The following ATP6V0D2 variants were observed in gnomAD, a reference collection of about 807,000 sequenced individuals.
ATP6V0D2 encodes ATPase H+ transporting V0 subunit d2.
Under a neutral mutation model 40.0 loss-of-function variants are expected in ATP6V0D2, and 40 were observed. The observed-to-expected ratio is 1.00, with a 90% CI of 0.78 to 1.30. The LOEUF (loss-of-function observed/expected upper bound fraction) is 1.30, where lower values mean the gene tolerates loss of function less well. Among genes scored for constraint, ATP6V0D2 ranks in the 50% most tolerant of loss-of-function variants. The pLI, the probability that ATP6V0D2 is intolerant of heterozygous loss-of-function variation, is 0.00. For missense variants in ATP6V0D2, 470 were observed against 423.1 expected, an observed-to-expected ratio of 1.11 and a Z score of -0.97; for synonymous variants, 179 against 156.3, an observed-to-expected ratio of 1.15 and a Z score of -1.08.
intron 7 of ATP6V0D2, among the ~76,000 whole-genome samples, chr8:86,151,864 A>C (rs1819159020): frequency 6.6e-6 from 1 of 151,840 alleles, no homozygotes; most frequent in South Asian, 2.1e-4. Context: ...ACATTATTAC[A>C]AATGCTACAA....
In ATP6V0D2 at chr8:86,138,186, C is replaced by T. The variant is rs116929687; in HGVS notation, c.303-1271C>T. 3.9e-5 allele frequency among the ~76,000 whole-genome samples: 6 copies of T among 152,244 alleles called. No homozygotes were observed. The East Asian group carries it at 1.2e-3, about 30-fold the overall frequency. Reference sequence around the variant, plus strand: ...CTCTGGGGCTTTTCAAATGTTCTCCCTTCTGCCTTGAAATGTGCTTTTCCC... The same window carrying T: ...CTCTGGGGCTTTTCAAATGTTCTCCTTTCTGCCTTGAAATGTGCTTTTCCC... On this transcript the variant is annotated intron_variant, in intron 2 of 7. Coordinates refer to ENST00000285393, the MANE Select transcript of ATP6V0D2 (RefSeq NM_152565.1).
chr8:86,151,755 C>CTTTTTTTT (rs564476016), intron 7 of ATP6V0D2, among the ~76,000 whole-genome samples: 1 of 85,516 alleles, frequency 1.2e-5, no homozygotes, highest in Non-Finnish European at 3.0e-5. Flanking sequence ...GCTTTTCTTT[C>CTTTTTTTT]TTTTTTTTTT....
chr8:86,101,113 C>T (rs1465995658), intron 1 of ATP6V0D2, among the ~76,000 whole-genome samples: 1 of 148,530 alleles, frequency 6.7e-6, no homozygotes, highest in Non-Finnish European at 1.5e-5. Context: ...TGCCACTGCA[C>T]TCCAGCCTGG....
In ATP6V0D2 at chr8:86,143,030, TTTCC is replaced by T; in HGVS notation, c.639+79_639+82del. 3.0e-6 allele frequency: 3 copies of T among 1,013,414 alleles called. No individual in the cohort carries two copies. In the Admixed American group the frequency reaches 7.2e-5, roughly 24 times the overall value. 62.8% of individuals were successfully genotyped at this position (1,013,414 alleles called of 1,614,324 possible). ...TTTTATTGTTTTAACCTTACTTATATTTCCTTATCTTTGAATTTTTTTTTAATCT... is the reference window on the plus strand; with the variant it reads ...TTTTATTGTTTTAACCTTACTTATATTTATCTTTGAATTTTTTTTTAATCT... On this transcript the variant is annotated intron_variant, in intron 5 of 7. Transcript: ENST00000285393.
intron 1 of ATP6V0D2, among the ~76,000 whole-genome samples, chr8:86,108,348 C>A (rs1161228054): frequency 1.3e-5 from 2 of 152,040 alleles, no homozygotes; most frequent in African/African-American, 4.8e-5. Context: ...TGCCATGTTG[C>A]CCAGTCTAGT....
At chr8:86,115,454 C>A (rs1251999302) in intron 2 of ATP6V0D2, among the ~76,000 whole-genome samples, 1 of 143,128 alleles carries the variant, frequency 7.0e-6, no homozygotes, top group Admixed American at 7.4e-5. Context: ...CTGCAACCTT[C>A]GCCTCCGTGG....
At chr8:86,129,982 GAAAAAAAA>G (rs869058078) in intron 2 of ATP6V0D2, among the ~76,000 whole-genome samples, 4 of 92,920 alleles carry the variant, frequency 4.3e-5, no homozygotes, top group Non-Finnish European at 8.9e-5. Context: ...GTCTCGAAAA[GAAAAAAAA>G]AAAAAAAAGA....
At chr8:86,119,891 T>A (rs1489456171) in intron 2 of ATP6V0D2, among the ~76,000 whole-genome samples, 2 of 152,198 alleles carry the variant, frequency 1.3e-5, no homozygotes, top group Non-Finnish European at 2.9e-5. Context: ...CTAATGGGCA[T>A]TGAATATTTG....
intron 1 of ATP6V0D2, among the ~76,000 whole-genome samples, chr8:86,111,711 G>A (rs907607325): frequency 1.3e-5 from 2 of 152,088 alleles, no homozygotes; most frequent in Non-Finnish European, 2.9e-5. Context: ...CAGCATACCT[G>A]TACTAAGTCA....
intron 2 of ATP6V0D2, among the ~76,000 whole-genome samples, chr8:86,121,941 A>G (rs1482787774): frequency 1.3e-5 from 2 of 152,240 alleles, no homozygotes; most frequent in South Asian, 2.1e-4. Context: ...TACATGTGAA[A>G]CTTATTTTGA....
At chr8:86,111,630 T>C (rs576497589) in intron 1 of ATP6V0D2, among the ~76,000 whole-genome samples, 2 of 152,166 alleles carry the variant, frequency 1.3e-5, no homozygotes, top group Admixed American at 6.5e-5. Context: ...TCATAGGGGG[T>C]TCTATTTTTA....
chr8:86,123,905 A>G (rs918619276), intron 2 of ATP6V0D2, among the ~76,000 whole-genome samples: 11 of 152,182 alleles, frequency 7.2e-5, no homozygotes, highest in African/African-American at 2.4e-4. Context: ...TTTTCCCCAC[A>G]TCTTTAAATG....
chr8:86,138,145 A>G (rs890091294), intron 2 of ATP6V0D2, among the ~76,000 whole-genome samples: 6 of 152,114 alleles, frequency 3.9e-5, no homozygotes, highest in African/African-American at 1.4e-4. Context: ...CACCCTGAGT[A>G]TCCTTGTGTT....
chr8:86,132,787 T>C (rs1818844573), intron 2 of ATP6V0D2, among the ~76,000 whole-genome samples: 1 of 152,228 alleles, frequency 6.6e-6, no homozygotes, highest in African/African-American at 2.4e-5. Flanking sequence ...GCAATAAACA[T>C]GTGAGTGCAG....
chr8:86,116,065 A>G (rs1314734653), intron 2 of ATP6V0D2, among the ~76,000 whole-genome samples: 1 of 152,202 alleles, frequency 6.6e-6, no homozygotes, highest in Non-Finnish European at 1.5e-5. Context: ...CTTAATGAAT[A>G]ATATCTTTAA....
chr8:86,115,330 ATTCT>A (rs1347210009), intron 2 of ATP6V0D2, among the ~76,000 whole-genome samples: 2 of 116,314 alleles, frequency 1.7e-5, no homozygotes, highest in Non-Finnish European at 3.5e-5. Flanking sequence ...CTATCCTTCT[ATTCT>A]TTCTTTGTCC....
chr8:86,125,990 T>C (rs1263148991), intron 2 of ATP6V0D2, among the ~76,000 whole-genome samples: 1 of 150,034 alleles, frequency 6.7e-6, no homozygotes, highest in Non-Finnish European at 1.5e-5. Flanking sequence ...CAGGCTAGAG[T>C]GCAGGTGTGT....
At chr8:86,136,300 T>A (rs1161861841) in intron 2 of ATP6V0D2, among the ~76,000 whole-genome samples, 1 of 152,220 alleles carries the variant, frequency 6.6e-6, no homozygotes, top group African/African-American at 2.4e-5. Context: ...GGGTGTTATA[T>A]GCAGGCTGCA....
chr8:86,112,021 T>G (rs112896159), intron 1 of ATP6V0D2, among the ~76,000 whole-genome samples: 272 of 152,330 alleles, frequency 1.8e-3, no homozygotes, highest in African/African-American at 6.3e-3. Context: ...AATAGATGCT[T>G]AATAAATGTT....
Sources: allele counts gnomAD v4.1 joint callset (sites outside exome capture counted in the v4.1 genomes callset), GRCh38; gene constraint gnomAD v4.1.1; transcripts MANE v1.5; gene names NCBI Gene and HGNC (gene_info 2026-07-23, HGNC 2026-07-21).